Variants in EPHX2 observed in about 807,000 individuals in gnomAD.
EPHX2 encodes epoxide hydrolase 2, also known as bifunctional epoxide hydrolase 2.
In EPHX2, 74 loss-of-function variants were observed where a neutral mutation model predicts 78.7. The observed-to-expected ratio is 0.94, with a 90% CI of 0.78 to 1.14. EPHX2 has a LOEUF of 1.14. Among genes scored for constraint, EPHX2 ranks in the 50% most tolerant of loss-of-function variants. The probability of loss-of-function intolerance (pLI) is 0.00; values close to 1 mark genes in which losing one functional copy is unlikely to be tolerated. For missense variants in EPHX2, 715 were observed against 702.5 expected (o/e 1.02, Z -0.20); for synonymous variants, 251 against 255.2 (o/e 0.98, Z 0.16).
chr8:27,511,930 CA>C lies in EPHX2; in HGVS notation c.735+21del. 2 of 1,613,128 alleles carry C rather than the reference CA, an allele frequency of 1.2e-6. No homozygotes were observed. The highest frequency in any genetic ancestry group is 1.7e-6 in the Non-Finnish European group (2 of 1,179,206). ...GTAAAGGTGAGTCAGTTTTGTCTCT[CA>C]GTCGGCTAAGTGCTCTCCCACCAGG... On this transcript the variant is annotated intron_variant, in intron 6 of 18. Coordinates refer to ENST00000521400, the MANE Select transcript of EPHX2 (RefSeq NM_001979.6).
chr8:27,498,766 CTT>C (rs1372718463), intron 1 of EPHX2, among the ~76,000 whole-genome samples: 4 of 152,100 alleles, frequency 2.6e-5, no homozygotes, highest in African/African-American at 7.2e-5. Context: ...GACCAGGAGT[CTT>C]TTGGAGGAGG....
rs1815532490 is a variant in EPHX2, at chr8:27,544,744, T to C, written c.*222T>C. 1 of 577,788 alleles carries C rather than the reference T, an allele frequency of 1.7e-6. No homozygotes were observed. Among genetic ancestry groups the C allele is most frequent in the Non-Finnish European group, 3.1e-6 (1 of 325,466 alleles). The allele number at this position is 577,788 out of a possible 1,614,324, so 35.8% of individuals were successfully genotyped here. The stretch of plus-strand genomic sequence containing the variant: ...GTGTGATTAGTTCTCCAGGCATGAA[T>C]GCATCGTCCCTTTATCTGTAAGAAC... On this transcript the variant is annotated 3_prime_UTR_variant, in exon 19 of 19. Transcript: ENST00000521400.
chr8:27,517,605 A>G (rs531425940), intron 8 of EPHX2, among the ~76,000 whole-genome samples: 2 of 152,364 alleles, frequency 1.3e-5, no homozygotes, highest in Admixed American at 1.3e-4. Context: ...TATGTGGTCA[A>G]CTGATCTTTG....
intron 15 of EPHX2, 98 bp from the exon 16 acceptor site, chr8:27,541,375 C>G (rs1480977927): frequency 7.6e-7 from 1 of 1,310,308 alleles, no homozygotes; most frequent in East Asian, 2.4e-5. Flanking sequence ...TTTGCTCTTC[C>G]CAGGACGACT....
At chr8:27,508,752 TTGTG>T (rs146131912) in intron 5 of EPHX2, among the ~76,000 whole-genome samples, 1 of 151,904 alleles carries the variant, frequency 6.6e-6, no homozygotes, top group African/African-American at 2.4e-5. Context: ...TTTGCCATCT[TTGTG>T]TGTGTGTGTG....
At chr8:27,541,062 C>T (rs1250841124) in intron 15 of EPHX2, among the ~76,000 whole-genome samples, 1 of 152,158 alleles carries the variant, frequency 6.6e-6, no homozygotes, top group Non-Finnish European at 1.5e-5. Context: ...ATCTTTGCTC[C>T]ACCTCCCAAT....
At position 27,500,977 on chromosome 8, in the gene EPHX2, C is replaced by A. The variant is rs1313217881; in HGVS notation, c.153C>A (p.Thr51=). The change falls in exon 2 of 19, where the codon ACC becomes ACA. Residue 51 remains threonine, a synonymous_variant. Coordinates refer to ENST00000521400, the MANE Select transcript of EPHX2 (RefSeq NM_001979.6). ...FQKGGPEGAT[T]RLMKGEITLS... is the part of the protein sequence containing the mutation. ...AAGGGGGACCAGAGGGTGCCACTAC[C>A]CGGCTTATGAAAGGAGAGATCACAC... 2 of 1,613,346 alleles carry A rather than the reference C, an allele frequency of 1.2e-6. No individual in the cohort carries two copies. Among genetic ancestry groups the A allele is most frequent in the Non-Finnish European group, 1.7e-6 (2 of 1,179,696 alleles).
chr8:27,518,923 G>A (rs1177421545), intron 9 of EPHX2, among the ~76,000 whole-genome samples: 1 of 152,192 alleles, frequency 6.6e-6, no homozygotes, highest in Non-Finnish European at 1.5e-5. Context: ...GACCCCAGGA[G>A]CCCCTATCCT....
intron 9 of EPHX2, among the ~76,000 whole-genome samples, chr8:27,518,953 G>A (rs1401852862): frequency 1.3e-5 from 2 of 152,162 alleles, no homozygotes; most frequent in African/African-American, 4.8e-5. Flanking sequence ...CTCTAACCTG[G>A]ACCTTGCTTA....
chr8:27,501,471 A>T (rs1201485351), intron 2 of EPHX2, among the ~76,000 whole-genome samples: 1 of 151,178 alleles, frequency 6.6e-6, no homozygotes, highest in Non-Finnish European at 1.5e-5. Context: ...TGGCATGATC[A>T]TGGCTCACTG....
intron 2 of EPHX2, among the ~76,000 whole-genome samples, chr8:27,501,900 T>C (rs945292881): frequency 6.6e-6 from 1 of 151,478 alleles, no homozygotes; most frequent in Non-Finnish European, 1.5e-5. Flanking sequence ...TACACTTGAC[T>C]TGTCTTAAAA....
chr8:27,531,060 G>C (rs557022413), intron 12 of EPHX2, among the ~76,000 whole-genome samples: 1 of 152,284 alleles, frequency 6.6e-6, no homozygotes, highest in East Asian at 1.9e-4. Flanking sequence ...ACCACGCCCG[G>C]CTGTTACTTT....
chr8:27,514,584 G>A (rs754371572), intron 6 of EPHX2, among the ~76,000 whole-genome samples: 5 of 152,086 alleles, frequency 3.3e-5, no homozygotes, highest in South Asian at 2.1e-4. Flanking sequence ...TGTATTTCTC[G>A]CCTACAGCAC....
In EPHX2 at chr8:27,491,171, A is replaced by G; in HGVS notation, c.-38A>G. 1 of 1,542,150 alleles carries G rather than the reference A, an allele frequency of 6.5e-7. No homozygotes were observed. Among genetic ancestry groups the G allele is most frequent in the Non-Finnish European group, 8.7e-7 (1 of 1,150,480 alleles). On this transcript the variant is annotated 5_prime_UTR_variant, in exon 1 of 19. Coordinates refer to ENST00000521400, the MANE Select transcript of EPHX2 (RefSeq NM_001979.6). ...CTGGCCTTCGCGCATCTCCCAGGTT[A>G]GCTGCGTGTCCGGGTGCTAGGCTGC...
chr8:27,495,304 A>T (rs9785168), intron 1 of EPHX2, among the ~76,000 whole-genome samples: 19,632 of 152,210 alleles, frequency 0.13, 1,466 homozygotes, highest in African/African-American at 0.22. Flanking sequence ...AACTGGGTGC[A>T]GGTCCCTGGG....
intron 5 of EPHX2, among the ~76,000 whole-genome samples, chr8:27,508,621 G>A (rs970462974): frequency 2.6e-5 from 4 of 152,202 alleles, no homozygotes; most frequent in African/African-American, 7.2e-5. Context: ...AACTGGGAAA[G>A]TAAAAACTAT....
rs765504300 is a variant in EPHX2 at position 27,515,848 on chromosome 8, TG to T, written c.831+36del. 7.4e-5 allele frequency: 118 copies of T among 1,589,226 alleles called. 1 individual carries two copies. The highest frequency in any genetic ancestry group is 6.1e-4 in the South Asian group (55 of 90,386). Reference sequence around the variant, plus strand: ...CTGGGGAAGATGCAGCCAGTCAGGGTGAGGTTGGGGGAGTCTAGATGGTGTG... The same window carrying T: ...CTGGGGAAGATGCAGCCAGTCAGGGTAGGTTGGGGGAGTCTAGATGGTGTG... On this transcript the variant is annotated intron_variant, in intron 7 of 18. Transcript: ENST00000521400.
chr8:27,538,569 G>A (rs1815285822), intron 13 of EPHX2, 90 bp from the exon 14 acceptor site: 3 of 1,240,376 alleles, frequency 2.4e-6, no homozygotes, highest in Non-Finnish European at 3.4e-6. Flanking sequence ...TATTTCCTTT[G>A]TCATTTGTCG....
At chr8:27,496,826 C>T (rs1477765321) in intron 1 of EPHX2, among the ~76,000 whole-genome samples, 6 of 152,130 alleles carry the variant, frequency 3.9e-5, no homozygotes, top group Non-Finnish European at 8.8e-5. Flanking sequence ...ATTGTCCTTT[C>T]AATGCCCAGA....
Sources: allele counts gnomAD v4.1 joint callset (sites outside exome capture counted in the v4.1 genomes callset), GRCh38; gene constraint gnomAD v4.1.1; transcripts MANE v1.5; gene names NCBI Gene and HGNC (gene_info 2026-07-23, HGNC 2026-07-21).